SLC43A2: variants seen among roughly 807,000 people sequenced by gnomAD.
SLC43A2 encodes the protein large neutral amino acids transporter small subunit 4.
SLC43A2 carries 38 observed loss-of-function variants against 63.2 expected under a neutral mutation model. The observed-to-expected ratio is 0.60, with a 90% CI of 0.46 to 0.79. The LOEUF (loss-of-function observed/expected upper bound fraction) is 0.79, where lower values mean the gene tolerates loss of function less well. SLC43A2 is among the 30% of genes least tolerant of loss of function. The probability of loss-of-function intolerance (pLI) is 0.00; values close to 1 mark genes in which losing one functional copy is unlikely to be tolerated. For missense variants in SLC43A2, 644 were observed against 756.2 expected (o/e 0.85, Z 1.74); for synonymous variants, 322 against 331.0 (o/e 0.97, Z 0.30).
At chr17:1,576,357 T>TAC (rs1276554547) in intron 13 of SLC43A2, among the ~76,000 whole-genome samples, 1 of 152,156 alleles carries the variant, frequency 6.6e-6, no homozygotes, top group Non-Finnish European at 1.5e-5. Flanking sequence ...GTGCTGGGAT[T>TAC]ACAGGTGTGA....
intron 9 of SLC43A2, among the ~76,000 whole-genome samples, chr17:1,586,382 C>T (rs748284964): frequency 6.6e-6 from 1 of 152,064 alleles, no homozygotes; most frequent in Admixed American, 6.6e-5. Context: ...AGTGACGGGC[C>T]GTTAGTTTCT....
In SLC43A2 at chr17:1,606,361, C is replaced by A. The variant is rs1258694555; in HGVS notation, c.501+6834G>T. 6.6e-6 allele frequency among the ~76,000 whole-genome samples: 1 copy of A among 152,194 alleles called. No homozygotes were observed. The highest frequency in any genetic ancestry group is 1.5e-5 in the Non-Finnish European group (1 of 68,036). Reference sequence around the variant, plus strand: ...CCTCAGATCCCACCTCCCATGAAATCATGCCTTCCTCAGGTTTAAAGTCAG... The same window carrying A: ...CCTCAGATCCCACCTCCCATGAAATAATGCCTTCCTCAGGTTTAAAGTCAG... On this transcript the variant is annotated intron_variant, in intron 5 of 13. Transcript: ENST00000301335. The surrounding 1 kb of genome is among the most constrained non-coding windows in gnomAD (Gnocchi z 4.7).
Position 1,593,138 on chromosome 17 carries a change from C to G in SLC43A2, c.594+49G>C. ...CCCTCTTCAGAGAGGGTGGAAGGAG[C>G]CTGGAGCAGGCCTCTGCACAGACAC... is the stretch of plus-strand genomic sequence containing the variant. On this transcript the variant is annotated intron_variant, in intron 6 of 13. Transcript: ENST00000301335. The surrounding 1 kb of genome is among the most constrained non-coding windows in gnomAD (Gnocchi z 5.3). The G allele has an allele frequency of 6.4e-7, 1 of 1,565,052 alleles. No individual in the cohort carries two copies. The highest frequency in any genetic ancestry group is 8.7e-7 in the Non-Finnish European group (1 of 1,143,964).
chr17:1,616,428 C>T, intron 3 of SLC43A2, 134 bp downstream of exon 3: 1 of 841,998 alleles, frequency 1.2e-6, no homozygotes, highest in Non-Finnish European at 1.8e-6. Context: ...GGGGTAGGAA[C>T]TCCATTCTGG....
intron 2 of SLC43A2, among the ~76,000 whole-genome samples, chr17:1,625,675 T>C (rs896244068): frequency 6.6e-6 from 1 of 152,148 alleles, no homozygotes; most frequent in Middle Eastern, 3.2e-3. Flanking sequence ...AGATAAGCTG[T>C]GTGGAATCAG....
intron 5 of SLC43A2, among the ~76,000 whole-genome samples, chr17:1,597,506 A>AAAAG (rs1275306411): frequency 6.9e-6 from 1 of 144,492 alleles, no homozygotes; most frequent in East Asian, 2.1e-4. Flanking sequence ...CTCAAAAAAA[A>AAAAG]AAAAGAAATG....
rs1228838907 is a variant in SLC43A2, at chr17:1,575,170, G to A, written c.*434C>T. On this transcript the variant is annotated 3_prime_UTR_variant, in exon 14 of 14. Transcript: ENST00000301335. The stretch of plus-strand genomic sequence containing the variant: ...GAGGGGGTGGGGGCCAGGCGCGGGC[G>A]AGACAGTGCAAGCCTTTGTCCTCAG... The A allele has an allele frequency of 1.5e-5, 3 of 199,562 alleles. No individual in the cohort carries two copies. Among genetic ancestry groups the A allele is most frequent in the African/African-American group, 2.4e-5 (1 of 42,092 alleles). The allele number at this position is 199,562 out of a possible 1,614,324, so 12.4% of individuals were successfully genotyped here.
rs759293927 is a variant in SLC43A2 at position 1,613,276 on chromosome 17, A to C, written c.425-5T>G. 14 of 1,614,040 alleles carry C rather than the reference A, an allele frequency of 8.7e-6. No individual in the cohort carries two copies. The South Asian group carries it at 1.5e-4, about 18-fold the overall frequency. Reference sequence around the variant, plus strand: ...TGAAGATGAGCACGGAGAGAGCTGCAGGGACATGGAAAGCTCGTGAGTGGA... The same window carrying C: ...TGAAGATGAGCACGGAGAGAGCTGCCGGGACATGGAAAGCTCGTGAGTGGA... On this transcript the variant is annotated splice_polypyrimidine_tract_variant and splice_region_variant and intron_variant, in intron 4 of 13. Transcript: ENST00000301335.
At chr17:1,621,437 C>T (rs1007542967) in intron 2 of SLC43A2, among the ~76,000 whole-genome samples, 1 of 152,220 alleles carries the variant, frequency 6.6e-6, no homozygotes, top group Non-Finnish European at 1.5e-5. Flanking sequence ...TCCCGTCTCT[C>T]AAATCCTTAG....
In SLC43A2 at chr17:1,616,729, C is replaced by A; in HGVS notation, c.201G>T (p.Pro67=). Residue 67 remains proline (P), a synonymous_variant, in exon 3 of 14, where the codon CCG becomes CCT. Coordinates refer to ENST00000301335, the MANE Select transcript of SLC43A2 (RefSeq NM_152346.3). ...TCATCCAGCTCACCTCCTCGTGCCC[C>A]GGCTCTGCTGTGCCGCCCACTGTGC... ...TNGTVGGTAE[P]GHEEVSWMNG... The A allele has an allele frequency of 6.2e-7, 1 of 1,614,070 alleles. No homozygotes were observed. The highest frequency in any genetic ancestry group is 1.1e-5 in the South Asian group (1 of 91,088).
At chr17:1,616,350 CTGGAGCTTTTCTTATT>C in intron 3 of SLC43A2, 196 bp downstream of exon 3, 1 of 565,954 alleles carries the variant, frequency 1.8e-6, no homozygotes, top group Non-Finnish European at 3.1e-6. Flanking sequence ...GGCCTGGAGC[CTGGAGCTTTTCTTATT>C]CGGTACTGGA....
At chr17:1,626,571 T>G (rs1567653594) in intron 2 of SLC43A2, among the ~76,000 whole-genome samples, 1 of 152,110 alleles carries the variant, frequency 6.6e-6, no homozygotes, top group Non-Finnish European at 1.5e-5. Context: ...CCTCCCTCCC[T>G]AGAGACTGGG....
chr17:1,610,007 T>G (rs903228576), intron 5 of SLC43A2, among the ~76,000 whole-genome samples: 1 of 151,844 alleles, frequency 6.6e-6, no homozygotes, highest in Non-Finnish European at 1.5e-5. Flanking sequence ...CCACCCAGGT[T>G]CAAGCGATTC....
chr17:1,588,544 C>A (rs1420696853), intron 9 of SLC43A2, among the ~76,000 whole-genome samples: 7 of 145,550 alleles, frequency 4.8e-5, no homozygotes, highest in Admixed American at 4.1e-4. Flanking sequence ...AAAAAAAAAA[C>A]AAATTAGCCA....
chr17:1,616,037 C>T (rs956955858), intron 3 of SLC43A2, among the ~76,000 whole-genome samples: 10 of 141,814 alleles, frequency 7.1e-5, no homozygotes, highest in East Asian at 2.0e-4. Context: ...AGCAAGACTC[C>T]GTCTTGAAAA....
At position 1,583,755 on chromosome 17, in the gene SLC43A2, C is replaced by G. The variant is rs1361918618; in HGVS notation, c.1218-419G>C. 5.4e-6 allele frequency: 1 copy of G among 185,266 alleles called. No individual in the cohort carries two copies. The highest frequency in any genetic ancestry group is 2.3e-5 in the African/African-American group (1 of 42,986). The allele number at this position is 185,266 out of a possible 1,614,324, so 11.5% of individuals were successfully genotyped here. On this transcript the variant is annotated intron_variant, in intron 10 of 13. Coordinates refer to ENST00000301335, the MANE Select transcript of SLC43A2 (RefSeq NM_152346.3). The surrounding 1 kb of genome is among the most constrained non-coding windows in gnomAD (Gnocchi z 5.5). ...CAAATAGGGGAGTGAATGGGTTTCC[C>G]CTTGTGGGGACAGGAGAGGGTAAAG...
At chr17:1,582,318 A>G (rs996507060) in intron 11 of SLC43A2, among the ~76,000 whole-genome samples, 14 of 152,118 alleles carry the variant, frequency 9.2e-5, no homozygotes, top group Non-Finnish European at 4.4e-5. Flanking sequence ...GAGCTCAAGC[A>G]ATCCACCTGC....
At chr17:1,595,899 C>T (rs1293195350) in intron 5 of SLC43A2, among the ~76,000 whole-genome samples, 1 of 152,276 alleles carries the variant, frequency 6.6e-6, no homozygotes, top group Admixed American at 6.5e-5. Context: ...TGTTACTGAG[C>T]GGAGGGAGTT....
At chr17:1,601,514 G>T (rs547866792) in intron 5 of SLC43A2, among the ~76,000 whole-genome samples, 1 of 152,176 alleles carries the variant, frequency 6.6e-6, no homozygotes, top group South Asian at 2.1e-4. Flanking sequence ...TGATGCAAAG[G>T]CGCTACTGAG....
Sources: gnomAD v4.1 joint callset for allele counts (sites outside exome capture counted in the v4.1 genomes callset) on GRCh38, gnomAD v4.1.1 for gene constraint, Gnocchi (gnomAD v3.1) non-coding constraint, MANE v1.5 for transcripts, NCBI Gene and HGNC (gene_info 2026-07-23, HGNC 2026-07-21) for gene names.